Variants in PCNX4 observed in about 807,000 individuals in gnomAD.
PCNX4 encodes the protein pecanex-like protein 4.
In PCNX4, 103 loss-of-function variants were observed where a neutral mutation model predicts 107.2. The observed-to-expected ratio is 0.96, with a 90% CI of 0.82 to 1.13. PCNX4 has a LOEUF of 1.13. PCNX4 is among the 50% of genes most tolerant of loss of function. The probability of loss-of-function intolerance (pLI) is 0.00; values close to 1 mark genes in which losing one functional copy is unlikely to be tolerated. For missense variants in PCNX4, 1,528 were observed against 1,379.4 expected (o/e 1.11, Z -1.71); for synonymous variants, 541 against 481.7 (o/e 1.12, Z -1.61).
At chr14:60,126,788 G>A (rs2140563918) in intron 10 of PCNX4, among the ~76,000 whole-genome samples, 1 of 152,310 alleles carries the variant, frequency 6.6e-6, no homozygotes, top group South Asian at 2.1e-4. Flanking sequence ...GCACTTACGG[G>A]ATGGAGACTT....
rs1470951080 is a variant in PCNX4 at position 60,137,759 on chromosome 14, A to G, written c.*3538A>G. 6.6e-6 allele frequency: 1 copy of G among 152,194 alleles called. No individual in the cohort carries two copies. The highest frequency in any genetic ancestry group is 2.4e-5 in the African/African-American group (1 of 41,438). 9.4% of individuals were successfully genotyped at this position (152,194 alleles called of 1,614,324 possible). On this transcript the variant is annotated 3_prime_UTR_variant, in exon 11 of 11. Transcript: ENST00000406854. Reference sequence around the variant, plus strand: ...AACTATATAGAAGAATCAATCAACAAGTCCCCAACTTAAAAGTACATTAAT... The same window carrying G: ...AACTATATAGAAGAATCAATCAACAGGTCCCCAACTTAAAAGTACATTAAT...
chr14:60,099,419 T>C (rs772723033), intron 1 of PCNX4, among the ~76,000 whole-genome samples: 1 of 152,372 alleles, frequency 6.6e-6, no homozygotes, highest in East Asian at 1.9e-4. Context: ...TTAGTTTTTC[T>C]TGATAAGTTT....
intron 8 of PCNX4, among the ~76,000 whole-genome samples, 196 bp downstream of exon 8, chr14:60,121,495 A>G (rs988130757): frequency 6.6e-6 from 1 of 152,164 alleles, no homozygotes; most frequent in African/African-American, 2.4e-5. Flanking sequence ...ATAATAGAGC[A>G]TGGTAGCAAA....
chr14:60,093,735 ACT>A (rs1895361119), intron 1 of PCNX4, among the ~76,000 whole-genome samples: 1 of 152,052 alleles, frequency 6.6e-6, no homozygotes, highest in Non-Finnish European at 1.5e-5. Flanking sequence ...TTATATGGTA[ACT>A]CTATGTTTAG....
chr14:60,129,245 A>G (rs1404009812), intron 10 of PCNX4, among the ~76,000 whole-genome samples: 2 of 151,076 alleles, frequency 1.3e-5, no homozygotes, highest in Non-Finnish European at 2.9e-5. Flanking sequence ...CATCTCAAAA[A>G]AAAAAAAAGA....
Position 60,107,736 on chromosome 14 carries a change from G to A in PCNX4, c.98G>A (p.Gly33Asp). The A allele has an allele frequency of 2.5e-6, 4 of 1,612,564 alleles. No homozygotes were observed. Among genetic ancestry groups the A allele is most frequent in the Non-Finnish European group, 3.4e-6 (4 of 1,179,694 alleles). ...CTTGGAGGCCCTCGATTCAAATTAG[G>A]CTATTGTGCCCCTCCTTACATATAT... Reference protein sequence around the residue: ...TVLGGPRFKLGYCAPPYIYVN... With the variant: ...TVLGGPRFKLDYCAPPYIYVN... Residue 33 changes from glycine (G) to aspartate (D), a missense_variant, in exon 2 of 11, where the codon GGC becomes GAC. By Grantham distance (94) the Gly-to-Asp change is moderately conservative (BLOSUM62 -1). Coordinates refer to ENST00000406854, the MANE Select transcript of PCNX4 (RefSeq NM_001330177.2).
rs1896290702 is a variant in PCNX4, at chr14:60,140,195, G to C, written c.*5974G>C. 6 of 152,114 alleles carry C rather than the reference G, an allele frequency of 3.9e-5. No individual in the cohort carries two copies. Among genetic ancestry groups the C allele is most frequent in the Admixed American group, 3.9e-4 (6 of 15,274 alleles). 9.4% of individuals were successfully genotyped at this position (152,114 alleles called of 1,614,324 possible). On this transcript the variant is annotated 3_prime_UTR_variant, in exon 11 of 11. Transcript: ENST00000406854. This position sits in a 1 kb window ranked among gnomAD's most constrained non-coding sequence, Gnocchi z 4.2. The stretch of plus-strand genomic sequence containing the variant: ...GAATGAAAGGATATTACAAATCCTA[G>C]AGTCATCTGACAAAATATGTGCACA...
chr14:60,121,161 C>CTTTTTT (rs747483127), intron 7 of PCNX4, 35 bp from the exon 8 acceptor site: 32 of 1,103,136 alleles, frequency 2.9e-5, no homozygotes, highest in East Asian at 7.4e-5. Context: ...AAATGATTTT[C>CTTTTTT]TTTTTTTTTT....
At chr14:60,094,564 A>G (rs1223203566) in intron 1 of PCNX4, among the ~76,000 whole-genome samples, 1 of 152,122 alleles carries the variant, frequency 6.6e-6, no homozygotes, top group Non-Finnish European at 1.5e-5. Context: ...TCCCTATCAT[A>G]CCCTGCAACT....
chr14:60,124,342 T>C lies in PCNX4; in HGVS notation c.2171T>C (p.Val724Ala), dbSNP rs759660013. The part of the protein sequence containing the change: ...VCSLNEHFGN[V>A]LTPCTVLPVK... The stretch of plus-strand genomic sequence containing the variant: ...TCCCTTAATGAACACTTTGGAAATG[T>C]CTTGACACCCTGTACTGTTTTGCCT... The change falls in exon 9 of 11, where the codon GTC (valine) becomes GCC (alanine). Residue 724 changes from valine to alanine, a missense_variant. Val to Ala is a moderately conservative substitution (Grantham distance 64, BLOSUM62 0). Transcript: ENST00000406854. The C allele has an allele frequency of 4.3e-6, 7 of 1,613,034 alleles. No homozygotes were observed. In the South Asian group the frequency reaches 5.5e-5, roughly 13 times the overall value.
chr14:60,125,796 G>C lies in PCNX4; in HGVS notation c.3240G>C (p.Leu1080Phe). The C allele has an allele frequency of 1.3e-5, 21 of 1,608,406 alleles. No individual in the cohort carries two copies. Among genetic ancestry groups the C allele is most frequent in the Non-Finnish European group, 1.7e-5 (20 of 1,177,792 alleles). Residue 1080 changes from leucine (L) to phenylalanine (F), a missense_variant, in exon 10 of 11, where the codon TTG (leucine) becomes TTC (phenylalanine). Transcript: ENST00000406854. Reference protein sequence around the residue: ...KEAILQEKPYLFSLGYDSNMG... With the variant: ...KEAILQEKPYFFSLGYDSNMG... ...CAATTTTACAAGAAAAGCCATACTTGTTTTCTCTGGGGTATGATTCTAATA... is the reference window on the plus strand; with the variant it reads ...CAATTTTACAAGAAAAGCCATACTTCTTTTCTCTGGGGTATGATTCTAATA...
chr14:60,099,104 A>G (rs1045814590), intron 1 of PCNX4, among the ~76,000 whole-genome samples: 2 of 152,180 alleles, frequency 1.3e-5, no homozygotes, highest in African/African-American at 4.8e-5. Flanking sequence ...CTTGGCTATC[A>G]AAAAAACTTC....
intron 2 of PCNX4, chr14:60,110,019 A>G (rs183435205): frequency 3.6e-5 from 6 of 167,258 alleles, no homozygotes; most frequent in African/African-American, 1.4e-4. Flanking sequence ...AGAAGGAACC[A>G]GAACTTGAAG....
In PCNX4 at chr14:60,108,105, G is replaced by A. The variant is rs533766887; in HGVS notation, c.467G>A (p.Trp156Ter). The change falls in exon 2 of 11, where the codon TGG becomes TAG. Residue 156 changes from tryptophan (W) to a stop codon, truncating the protein, a stop_gained. Coordinates refer to ENST00000406854, the MANE Select transcript of PCNX4 (RefSeq NM_001330177.2). LOFTEE classifies it high-confidence loss of function. ...GGATTAGCGTGTGGTCTTGGAACAT[G>A]GTATCTGCTCCCAAATAGAATAACC... ...LAGLACGLGTWYLLPNRITLL... is the reference protein window; with the variant it reads ...LAGLACGLGT 6.2e-7 allele frequency: 1 copy of A among 1,612,772 alleles called. No individual in the cohort carries two copies. Among genetic ancestry groups the A allele is most frequent in the Admixed American group, 1.7e-5 (1 of 60,012 alleles).
Position 60,116,017 on chromosome 14 carries a change from T to C in PCNX4, c.1535T>C (p.Ile512Thr). 6.2e-7 allele frequency: 1 copy of C among 1,612,900 alleles called. No homozygotes were observed. ...GTACACTTGATCTCCAGTACAGACA[T>C]ATGGTGGAACAGAAGCCTGGATACA... Reference protein sequence around the residue: ...STVHLISSTDIWWNRSLDTGL... With the variant: ...STVHLISSTDTWWNRSLDTGL... The change falls in exon 6 of 11, where the codon ATA (isoleucine) becomes ACA (threonine). Residue 512 changes from isoleucine to threonine, a missense_variant. By Grantham distance (89) the Ile-to-Thr change is moderately conservative. Transcript: ENST00000406854.
In PCNX4 at chr14:60,121,181, T is replaced by C. The variant is rs373244069; in HGVS notation, c.1943-15T>C. ...ATTTTCTTTTTTTTTTTTTTTTTTT[T>C]CTAATTTGTTGTAGGTCTCCTCCTA... On this transcript the variant is annotated splice_polypyrimidine_tract_variant and intron_variant, in intron 7 of 10. Coordinates refer to ENST00000406854, the MANE Select transcript of PCNX4 (RefSeq NM_001330177.2). 77,228 of 1,513,332 alleles carry C rather than the reference T, an allele frequency of 0.051. 1,113 individuals carry two copies. Among genetic ancestry groups the C allele is most frequent in the Middle Eastern group, 0.067 (373 of 5,580 alleles). 93.7% of individuals were successfully genotyped at this position (1,513,332 alleles called of 1,614,324 possible).
At chr14:60,116,523 GT>G (rs1163728893) in intron 6 of PCNX4, among the ~76,000 whole-genome samples, 3 of 152,138 alleles carry the variant, frequency 2.0e-5, no homozygotes, top group Non-Finnish European at 2.9e-5. Context: ...CCCTTGTAGG[GT>G]AGCTCATTAC....
In PCNX4 at chr14:60,125,089, A is replaced by G. The variant is rs1417880041; in HGVS notation, c.2918A>G (p.His973Arg). ...AAAGTTTTAAAAGACTTTTATGTTC[A>G]TACAGTAATGACTTGTTATTTTAGT... ...KDKVLKDFYV[H>R]TVMTCYFSLF... is the part of the protein sequence containing the mutation. The change falls in exon 9 of 11, where the codon CAT (histidine) becomes CGT (arginine). Residue 973 changes from histidine to arginine, a missense_variant. Physicochemically the swap from His to Arg is conservative, Grantham distance 29. Transcript: ENST00000406854. 3 of 1,613,514 alleles carry G rather than the reference A, an allele frequency of 1.9e-6. No homozygotes were observed. Among genetic ancestry groups the G allele is most frequent in the East Asian group, 2.2e-5 (1 of 44,866 alleles).
In PCNX4 at chr14:60,114,864, T is replaced by G. The variant is rs1262508703; in HGVS notation, c.854T>G (p.Met285Arg). The G allele has an allele frequency of 6.2e-7, 1 of 1,610,652 alleles. No homozygotes were observed. Among genetic ancestry groups the G allele is most frequent in the East Asian group, 2.2e-5 (1 of 44,872 alleles). ...VLEFGLGGSS[M>R]STHLRLLVMF... The stretch of plus-strand genomic sequence containing the variant: ...GAGTTCGGCCTTGGAGGCTCATCTA[T>G]GTCAACCCACTTACGGTATTTATTT... The change falls in exon 3 of 11, where the codon ATG (methionine) becomes AGG (arginine). Residue 285 changes from methionine (M) to arginine (R), a missense_variant. Met to Arg is a moderately conservative substitution (Grantham distance 91). Transcript: ENST00000406854.
Sources: allele counts gnomAD v4.1 joint callset (sites outside exome capture counted in the v4.1 genomes callset), GRCh38; gene constraint gnomAD v4.1.1; non-coding constraint Gnocchi (gnomAD v3.1); transcripts MANE v1.5; gene names NCBI Gene and HGNC (gene_info 2026-07-23, HGNC 2026-07-21).